The following TWSG1 variants were observed in gnomAD, a reference collection of about 807,000 sequenced individuals.
TWSG1 encodes the protein twisted gastrulation BMP signaling modulator 1, also known as twisted gastrulation protein homolog 1.
In TWSG1, 15 loss-of-function variants were observed where a neutral mutation model predicts 23.0. That is an observed-to-expected ratio of 0.65 (90% CI 0.44 to 1.00). TWSG1 has a LOEUF of 1.00. Among genes scored for constraint, TWSG1 ranks in the 50% least tolerant of loss-of-function variants. TWSG1 has a pLI of 0.00. For missense variants in TWSG1, 242 were observed against 278.7 expected (o/e 0.87, Z 0.94); for synonymous variants, 86 against 92.8 (o/e 0.93, Z 0.42).
At chr18:9,355,624 G>A (rs1345503651) in intron 2 of TWSG1, among the ~76,000 whole-genome samples, 1 of 152,116 alleles carries the variant, frequency 6.6e-6, no homozygotes, top group African/African-American at 2.4e-5. Context: ...GTTTCAGTTT[G>A]TTTCTTGACT....
intron 3 of TWSG1, among the ~76,000 whole-genome samples, chr18:9,393,975 C>T (rs1217987949): frequency 6.6e-6 from 1 of 152,156 alleles, no homozygotes; most frequent in Non-Finnish European, 1.5e-5. Context: ...ATTAATACAG[C>T]CACTATGGAA....
At chr18:9,346,723 A>C (rs1177009392) in intron 2 of TWSG1, among the ~76,000 whole-genome samples, 2 of 152,216 alleles carry the variant, frequency 1.3e-5, no homozygotes, top group Non-Finnish European at 2.9e-5. Flanking sequence ...TAATCACACA[A>C]CTGCACTCCA....
At chr18:9,361,896 C>T (rs1018820627) in intron 3 of TWSG1, among the ~76,000 whole-genome samples, 75 of 152,210 alleles carry the variant, frequency 4.9e-4, no homozygotes, top group African/African-American at 1.6e-3. Flanking sequence ...CACTCTGGCA[C>T]CTCCAGCTCC....
At chr18:9,349,923 C>T (rs373607098) in intron 2 of TWSG1, among the ~76,000 whole-genome samples, 17 of 152,268 alleles carry the variant, frequency 1.1e-4, no homozygotes, top group South Asian at 1.0e-3. Context: ...GGGCAGGTCA[C>T]AAGGTCAGGA....
intron 1 of TWSG1, among the ~76,000 whole-genome samples, chr18:9,335,964 C>T (rs2040421009): frequency 6.6e-6 from 1 of 152,020 alleles, no homozygotes. Flanking sequence ...GATATCTTCC[C>T]GTATTTAAAG....
At chr18:9,347,825 G>GT (rs538543080) in intron 2 of TWSG1, among the ~76,000 whole-genome samples, 14 of 151,316 alleles carry the variant, frequency 9.3e-5, no homozygotes, top group South Asian at 4.2e-4. Context: ...TTATTTACTT[G>GT]TTTTTTTTGG....
chr18:9,393,096 CAG>C (rs1386962351), intron 3 of TWSG1, among the ~76,000 whole-genome samples: 27 of 152,328 alleles, frequency 1.8e-4, no homozygotes, highest in Admixed American at 5.2e-4. Context: ...AAATGTGACA[CAG>C]AGCCACAAAG....
intron 3 of TWSG1, 55 bp from the exon 4 acceptor site, chr18:9,396,225 G>T (rs1177142458): frequency 6.8e-6 from 10 of 1,471,304 alleles, no homozygotes; most frequent in Non-Finnish European, 9.4e-6. Flanking sequence ...ATGTGTTATA[G>T]CTCTGATTGC....
chr18:9,396,863 A>G, intron 4 of TWSG1: 1 of 415,232 alleles, frequency 2.4e-6, no homozygotes, highest in East Asian at 4.1e-5. Context: ...GTTCGAGACC[A>G]GCCTGACCAA....
chr18:9,363,065 A>G (rs1056727799), intron 3 of TWSG1, among the ~76,000 whole-genome samples: 1 of 152,094 alleles, frequency 6.6e-6, no homozygotes. Flanking sequence ...TAGTCCCCAT[A>G]CTTTTCATGG....
At position 9,393,093 on chromosome 18, in the gene TWSG1, A is replaced by G. The variant is rs151083058; in HGVS notation, c.224-3187A>G. Among the ~76,000 whole-genome samples, 512 of 152,360 alleles carry G rather than the reference A, an allele frequency of 3.4e-3. 2 individuals carry two copies. The highest frequency in any genetic ancestry group is 0.012 in the African/African-American group (487 of 41,582). The stretch of plus-strand genomic sequence containing the variant: ...ATATTGCAAGAATTACCAAAATGTG[A>G]CACAGAGCCACAAAGTGAGCCCATG... On this transcript the variant is annotated intron_variant, in intron 3 of 4. Transcript: ENST00000262120.
intron 3 of TWSG1, among the ~76,000 whole-genome samples, chr18:9,379,926 G>A (rs1159853369): frequency 6.6e-6 from 1 of 152,170 alleles, no homozygotes; most frequent in Non-Finnish European, 1.5e-5. Flanking sequence ...AGATGAGACT[G>A]TACTATGGAG....
At chr18:9,352,967 A>G (rs1333846169) in intron 2 of TWSG1, among the ~76,000 whole-genome samples, 2 of 152,270 alleles carry the variant, frequency 1.3e-5, no homozygotes, top group Non-Finnish European at 2.9e-5. Flanking sequence ...GACAACATAT[A>G]TGATGGTGGT....
Position 9,359,963 on chromosome 18 carries a change from T to C in TWSG1, c.124-9T>C. On this transcript the variant is annotated splice_polypyrimidine_tract_variant and intron_variant, in intron 2 of 4. Coordinates refer to ENST00000262120, the MANE Select transcript of TWSG1 (RefSeq NM_020648.6). ...GGAATTTGAAGTTTAACATCTGTCT[T>C]GTTTCTAGGAGCTCTGCCAGTGCCG... 1 of 1,611,116 alleles carries C rather than the reference T, an allele frequency of 6.2e-7. No homozygotes were observed. The highest frequency in any genetic ancestry group is 8.5e-7 in the Non-Finnish European group (1 of 1,177,740).
chr18:9,359,864 A>G, intron 2 of TWSG1, 108 bp from the exon 3 acceptor site: 1 of 686,222 alleles, frequency 1.5e-6, no homozygotes, highest in Non-Finnish European at 2.4e-6. Flanking sequence ...AATTATGTGA[A>G]GAATACATTA....
intron 3 of TWSG1, among the ~76,000 whole-genome samples, chr18:9,361,243 G>A (rs1454510375): frequency 6.6e-6 from 1 of 152,124 alleles, no homozygotes; most frequent in African/African-American, 2.4e-5. Context: ...GCCCTTCTCT[G>A]ATTGTCCTTT....
In TWSG1 at chr18:9,370,537, G is replaced by A. The variant is rs547364193; in HGVS notation, c.223+10466G>A. Among the ~76,000 whole-genome samples, 213 of 152,152 alleles carry A rather than the reference G, an allele frequency of 1.4e-3. 1 individual carries two copies. The highest frequency in any genetic ancestry group is 1.8e-3 in the Non-Finnish European group (121 of 68,004). ...TTATTTTGCCAGAGATGTTTGTTTG[G>A]TCTAGATGTTTGCAACTGTTACCCA... is the stretch of plus-strand genomic sequence containing the variant. On this transcript the variant is annotated intron_variant, in intron 3 of 4. Coordinates refer to ENST00000262120, the MANE Select transcript of TWSG1 (RefSeq NM_020648.6).
intron 4 of TWSG1, among the ~76,000 whole-genome samples, chr18:9,398,246 C>G (rs1045534437): frequency 1.6e-4 from 25 of 152,130 alleles, no homozygotes; most frequent in African/African-American, 5.3e-4. Flanking sequence ...ATCAACATAA[C>G]AGATATTAAA....
chr18:9,361,779 C>G (rs1054946893), intron 3 of TWSG1, among the ~76,000 whole-genome samples: 2 of 152,200 alleles, frequency 1.3e-5, no homozygotes, highest in African/African-American at 4.8e-5. Context: ...TCCAGGGCCT[C>G]TTTGGTTTAA....
Sources: allele counts gnomAD v4.1 joint callset (sites outside exome capture counted in the v4.1 genomes callset), GRCh38; gene constraint gnomAD v4.1.1; transcripts MANE v1.5; gene names NCBI Gene and HGNC (gene_info 2026-07-23, HGNC 2026-07-21).